Variants in KIF4A observed in about 807,000 individuals in gnomAD.
KIF4A encodes the protein kinesin family member 4A, also known as chromosome-associated kinesin KIF4A.
In KIF4A, 7 loss-of-function variants were observed where a neutral mutation model predicts 105.9. That is an observed-to-expected ratio of 0.07 (90% CI 0.04 to 0.12). KIF4A has a LOEUF of 0.12. KIF4A is among the 10% of genes least tolerant of loss of function. The pLI, the probability that KIF4A is intolerant of heterozygous loss-of-function variation, is 1.00. For missense variants in KIF4A, 558 were observed against 929.2 expected (o/e 0.60, Z 5.19); for synonymous variants, 281 against 331.3 (o/e 0.85, Z 1.65).
At chrX:70,323,076 A>G (rs1270957259) in intron 7 of KIF4A, among the ~76,000 whole-genome samples, 4 of 110,632 alleles carry the variant, frequency 3.6e-5, no homozygotes. Flanking sequence ...CTGCTTAGCC[A>G]TACTGAGTGT....
chrX:70,412,243 C>T (rs1287663834), intron 28 of KIF4A, among the ~76,000 whole-genome samples: 2 of 111,729 alleles, frequency 1.8e-5, no homozygotes, highest in African/African-American at 3.3e-5. Flanking sequence ...AGCTCACAGT[C>T]TTATAGGACA....
At chrX:70,318,064 G>A (rs771531495) in intron 7 of KIF4A, among the ~76,000 whole-genome samples, 11 of 110,054 alleles carry the variant, frequency 1.0e-4, no homozygotes, top group African/African-American at 2.6e-4. Context: ...TTTTAGTAGC[G>A]ATGGGGTTTC....
Position 70,395,968 on chromosome X carries a change from C to A in KIF4A, c.2408C>A (p.Thr803Asn). The A allele has an allele frequency of 8.3e-7, 1 of 1,208,885 alleles. No homozygotes were observed. Among genetic ancestry groups the A allele is most frequent in the Non-Finnish European group, 1.1e-6 (1 of 893,153 alleles). The change falls in exon 22 of 31, where the codon ACT becomes AAT. Residue 803 changes from threonine (T) to asparagine (N), a missense_variant. Transcript: ENST00000374403. ...TTACAGAGGCGTACATTCTCCCTTA[C>A]TGAAGTGCGTGGTCAAGTTTCGGAG... ...PKLRRRTFSLTEVRGQVSESE... is the reference protein window; with the variant it reads ...PKLRRRTFSLNEVRGQVSESE...
chrX:70,347,970 G>A (rs1462696083), intron 13 of KIF4A, among the ~76,000 whole-genome samples: 1 of 3,271 alleles, frequency 3.1e-4, no homozygotes, highest in East Asian at 0.2. Context: ...GCGAGACTCC[G>A]TCTCAAAAAA....
intron 8 of KIF4A, among the ~76,000 whole-genome samples, 161 bp downstream of exon 8, chrX:70,329,682 A>C (rs1253065574): frequency 8.9e-6 from 1 of 112,544 alleles, no homozygotes; most frequent in Non-Finnish European, 1.9e-5. Context: ...GGTTTCTAAG[A>C]TAATGGAAAA....
At chrX:70,316,263 A>C (rs1259950267) in intron 7 of KIF4A, among the ~76,000 whole-genome samples, 1 of 112,089 alleles carries the variant, frequency 8.9e-6, no homozygotes, top group Non-Finnish European at 1.9e-5. Context: ...TGTCACTTTC[A>C]TTTCTGTAGT....
At chrX:70,346,196 A>G (rs2085992057) in intron 13 of KIF4A, among the ~76,000 whole-genome samples, 1 of 112,510 alleles carries the variant, frequency 8.9e-6, no homozygotes, top group Non-Finnish European at 1.9e-5. Flanking sequence ...AAGAACTTCA[A>G]TGTGGCTGAA....
intron 15 of KIF4A, among the ~76,000 whole-genome samples, chrX:70,373,260 ACT>A (rs752988634): frequency 1.0e-5 from 1 of 99,969 alleles, no homozygotes; most frequent in Admixed American, 1.1e-4. Context: ...TAAGAGTGAG[ACT>A]CTGTCTCAAA....
chrX:70,374,719 G>A (rs2086168036), intron 16 of KIF4A, among the ~76,000 whole-genome samples: 1 of 111,694 alleles, frequency 9.0e-6, no homozygotes, highest in African/African-American at 3.3e-5. Flanking sequence ...TACCAGTTAA[G>A]AATAAAACCA....
chrX:70,322,684 G>A (rs1338181929), intron 7 of KIF4A, among the ~76,000 whole-genome samples: 4 of 96,407 alleles, frequency 4.1e-5, no homozygotes, highest in African/African-American at 1.5e-4. Context: ...ACCCAAGACA[G>A]AAACCAGGGC....
At chrX:70,387,375 C>CT (rs2086222014) in intron 20 of KIF4A, 78 bp downstream of exon 20, 2 of 744,840 alleles carry the variant, frequency 2.7e-6, no homozygotes, top group Non-Finnish European at 3.9e-6. Context: ...TTTTTTTTTC[C>CT]TTTTTTTAGA....
chrX:70,349,582 G>A (rs1474026716), intron 13 of KIF4A, among the ~76,000 whole-genome samples: 3 of 98,703 alleles, frequency 3.0e-5, no homozygotes, highest in African/African-American at 7.6e-5. Flanking sequence ...CGGGGCGGCC[G>A]GGCAGAGATG....
chrX:70,379,723 G>A (rs1440880495), intron 18 of KIF4A, among the ~76,000 whole-genome samples: 8 of 107,329 alleles, frequency 7.5e-5, no homozygotes, highest in African/African-American at 2.7e-4. Flanking sequence ...CCCAGGTGGC[G>A]AAGGTTGCAG....
chrX:70,356,281 C>CA (rs1335110876), intron 15 of KIF4A, among the ~76,000 whole-genome samples: 6 of 108,126 alleles, frequency 5.5e-5, no homozygotes, highest in Middle Eastern at 5.0e-3. Flanking sequence ...ACCATCCCAA[C>CA]AAAAAAAACT....
At chrX:70,329,742 T>A (rs2085923538) in intron 8 of KIF4A, among the ~76,000 whole-genome samples, 1 of 112,294 alleles carries the variant, frequency 8.9e-6, no homozygotes, top group Non-Finnish European at 1.9e-5. Context: ...GTGCACCAAC[T>A]GTACTTTGTA....
chrX:70,302,471 C>T (rs1602739538), intron 7 of KIF4A, 73 bp downstream of exon 7: 1 of 1,006,291 alleles, frequency 9.9e-7, no homozygotes, highest in Non-Finnish European at 1.4e-6. Flanking sequence ...TTGGTGTTTT[C>T]GACTGGGATT....
At position 70,298,331 on chromosome X, in the gene KIF4A, C is replaced by T. The variant is rs753314891; in HGVS notation, c.427-782C>T. On this transcript the variant is annotated intron_variant, in intron 4 of 30. Transcript: ENST00000374403. ...CTGCAGCCTCCAGCTCCTGCTCAAGCGATCCTCCCACCCCACCTCAGCCTT... is the reference window on the plus strand; with the variant it reads ...CTGCAGCCTCCAGCTCCTGCTCAAGTGATCCTCCCACCCCACCTCAGCCTT... Among the ~76,000 whole-genome samples, 10 of 110,690 alleles carry T rather than the reference C, an allele frequency of 9.0e-5. No homozygotes were observed. The East Asian group carries it at 2.3e-3, about 26-fold the overall frequency.
At chrX:70,386,072 C>T (rs770904094) in intron 18 of KIF4A, among the ~76,000 whole-genome samples, 2 of 110,143 alleles carry the variant, frequency 1.8e-5, no homozygotes, top group Non-Finnish European at 3.8e-5. Flanking sequence ...TCTTTATGTC[C>T]GTGTGTACCC....
intron 4 of KIF4A, 32 bp downstream of exon 4, chrX:70,297,220 C>T (rs773342555): frequency 3.3e-5 from 37 of 1,135,381 alleles, no homozygotes; most frequent in Non-Finnish European, 3.7e-5. Context: ...ATTCTGAATT[C>T]GAAATTGTCT....
Sources: allele counts gnomAD v4.1 joint callset (sites outside exome capture counted in the v4.1 genomes callset), GRCh38; gene constraint gnomAD v4.1.1; transcripts MANE v1.5; gene names NCBI Gene and HGNC (gene_info 2026-07-23, HGNC 2026-07-21).